IL7: variants seen among roughly 807,000 people sequenced by gnomAD.
The protein encoded by IL7 is interleukin 7, also known as interleukin-7.
A neutral mutation model predicts 21.6 loss-of-function variants in IL7; 3 were observed. The ratio of observed to expected loss-of-function variants is 0.14; its 90% CI spans 0.06 to 0.36. The LOEUF (loss-of-function observed/expected upper bound fraction) is 0.36, where lower values mean the gene tolerates loss of function less well. Among genes scored for constraint, IL7 ranks in the 10% least tolerant of loss-of-function variants. The pLI, the probability that IL7 is intolerant of heterozygous loss-of-function variation, is 1.00. For synonymous variants in IL7, 62 were observed against 68.1 expected (o/e 0.91, Z 0.44); for missense variants, 175 against 200.2 (o/e 0.87, Z 0.76).
At chr8:78,713,196 A>G (rs1811001618), downstream of IL7, among the ~76,000 whole-genome samples, 1 of 152,196 alleles carries the variant, frequency 6.6e-6, no homozygotes, top group Non-Finnish European at 1.5e-5. Context: ...AATGCTTTGC[A>G]GATTCTGAAC....
chr8:78,706,213 G>A (rs1810767112), intron 3 of IL7, among the ~76,000 whole-genome samples: 1 of 152,170 alleles, frequency 6.6e-6, no homozygotes. Flanking sequence ...GGAATTCCAA[G>A]CCAGTGGGTC....
At chr8:78,799,780 C>T (rs1055853941) in intron 1 of IL7, among the ~76,000 whole-genome samples, 5 of 152,026 alleles carry the variant, frequency 3.3e-5, no homozygotes, top group Admixed American at 1.3e-4. Context: ...TTAGAAATGG[C>T]CATAATCTAT....
intron 3 of IL7, among the ~76,000 whole-genome samples, chr8:78,695,666 A>G (rs1810377965): frequency 6.6e-6 from 1 of 152,156 alleles, no homozygotes. Context: ...CTATATATAT[A>G]TAGTGGCCCA....
At chr8:78,693,180 C>T (rs983825499) in intron 3 of IL7, among the ~76,000 whole-genome samples, 15 of 152,090 alleles carry the variant, frequency 9.9e-5, no homozygotes, top group South Asian at 2.1e-4. Context: ...TGAATAGTGC[C>T]GCAATAAACA....
intron 3 of IL7, among the ~76,000 whole-genome samples, chr8:78,697,682 CTT>C (rs370060109): frequency 6.2e-4 from 87 of 139,482 alleles, no homozygotes; most frequent in Admixed American, 7.9e-4. Flanking sequence ...TACTTTTAAC[CTT>C]TTTTTTTTTT....
chr8:78,782,402 C>A (rs73251646), intron 2 of IL7, among the ~76,000 whole-genome samples: 3,538 of 152,150 alleles, frequency 0.023, 123 homozygotes, highest in African/African-American at 0.076. Flanking sequence ...CTGTGGGTGC[C>A]TTTTTGTTGA....
rs138175838 is a variant in IL7, at chr8:78,680,258, G to A, written n.274-4154C>T. 6.1e-3 allele frequency among the ~76,000 whole-genome samples: 877 copies of A among 143,668 alleles called. 10 individuals are homozygous for A. Among genetic ancestry groups the A allele is most frequent in the African/African-American group, 0.021 (791 of 37,742 alleles). 94.3% of individuals were successfully genotyped at this position (143,668 alleles called of 152,430 possible). The stretch of plus-strand genomic sequence containing the variant: ...AAAGCAAAGTACAGTCCGCAGTCCG[G>A]CCTGGGCGACAGAGCGAGACTCCGT... On this transcript the variant is annotated intron_variant and non_coding_transcript_variant, in intron 4 of 4. Coordinates refer to the IL7 transcript ENST00000523959.
chr8:78,713,771 C>G (rs1811017191), downstream of IL7, among the ~76,000 whole-genome samples: 1 of 152,184 alleles, frequency 6.6e-6, no homozygotes, highest in Admixed American at 6.5e-5. Context: ...ATACAGCCCA[C>G]TTAAGTTCAA....
Position 78,708,529 on chromosome 8 carries a change from C to CGA in IL7, n.214+12818_214+12819insTC, listed in dbSNP as rs145566522. On this transcript the variant is annotated intron_variant and non_coding_transcript_variant, in intron 3 of 4. Transcript: ENST00000523959. Reference sequence around the variant, plus strand: ...CTCGTCTCCATTAAAAAAACAAAAACAAAAACAACCTTTTTAAACCTTTTT... The same window carrying CGA: ...CTCGTCTCCATTAAAAAAACAAAAACGAAAAAACAACCTTTTTAAACCTTTTT... Among the ~76,000 whole-genome samples the CGA allele has an allele frequency of 3.7e-3, 564 of 151,182 alleles. 22 individuals carry two copies. The East Asian group carries it at 0.08, about 21-fold the overall frequency.
chr8:78,738,704 G>T, intron 3 of IL7, 69 bp from the exon 4 acceptor site: 2 of 1,460,166 alleles, frequency 1.4e-6, no homozygotes, highest in Non-Finnish European at 1.9e-6. Context: ...GCTTTCTTAA[G>T]GAGCCTAGAG....
At chr8:78,793,606 C>T (rs1442664395) in intron 2 of IL7, among the ~76,000 whole-genome samples, 1 of 152,126 alleles carries the variant, frequency 6.6e-6, no homozygotes, top group East Asian at 1.9e-4. Context: ...GAGGGCCTTG[C>T]TTCAACGTTA....
chr8:78,725,001 T>C (rs552032278), intron 3 of IL7, among the ~76,000 whole-genome samples: 207 of 152,200 alleles, frequency 1.4e-3, no homozygotes, highest in South Asian at 2.5e-3. Flanking sequence ...ATCTAAATTT[T>C]GTTATTATCT....
chr8:78,714,766 T>G (rs1056219832), downstream of IL7, among the ~76,000 whole-genome samples: 4 of 152,182 alleles, frequency 2.6e-5, no homozygotes, highest in Admixed American at 1.3e-4. Context: ...TTTTTAGAAC[T>G]TTCATAAGTT....
At chr8:78,735,197 T>C (rs1233602991) in intron 5 of IL7, among the ~76,000 whole-genome samples, 1 of 150,346 alleles carries the variant, frequency 6.7e-6, no homozygotes, top group East Asian at 2.0e-4. Context: ...ACACCGAGAA[T>C]AAGCATTCAC....
intron 4 of IL7, among the ~76,000 whole-genome samples, chr8:78,681,252 G>A (rs1455633333): frequency 6.6e-6 from 1 of 152,040 alleles, no homozygotes; most frequent in Non-Finnish European, 1.5e-5. Context: ...GCTGTACCAG[G>A]AAATCTATGC....
intron 3 of IL7, among the ~76,000 whole-genome samples, chr8:78,687,158 A>G (rs1176740107): frequency 6.6e-6 from 1 of 152,058 alleles, no homozygotes; most frequent in African/African-American, 2.4e-5. Context: ...GCAACCTTGT[A>G]TGAGATACTG....
chr8:78,686,426 T>C, intron 3 of IL7: 1 of 1,243,634 alleles, frequency 8.0e-7, no homozygotes. Flanking sequence ...AAAAAGATAC[T>C]GTTTGTTTAT....
At chr8:78,780,092 T>C (rs889124902) in intron 2 of IL7, among the ~76,000 whole-genome samples, 1 of 152,128 alleles carries the variant, frequency 6.6e-6, no homozygotes, top group Non-Finnish European at 1.5e-5. Context: ...ATTTATCTTA[T>C]CGTTTTATTG....
downstream of IL7, among the ~76,000 whole-genome samples, chr8:78,730,840 T>C (rs1037312880): frequency 2.6e-5 from 4 of 151,974 alleles, no homozygotes; most frequent in African/African-American, 9.7e-5. Flanking sequence ...TAATAATGAA[T>C]GATGCAGGCT....
Sources: gnomAD v4.1 joint callset for allele counts (sites outside exome capture counted in the v4.1 genomes callset) on GRCh38, gnomAD v4.1.1 for gene constraint, MANE v1.5 for transcripts, NCBI Gene and HGNC (gene_info 2026-07-23, HGNC 2026-07-21) for gene names.